Variants in THSD4 observed in about 807,000 individuals in gnomAD.
THSD4 encodes thrombospondin type 1 domain containing 4, also known as thrombospondin type-1 domain-containing protein 4.
In THSD4, 69 loss-of-function variants were observed where a neutral mutation model predicts 119.0. The ratio of observed to expected loss-of-function variants is 0.58; its 90% CI spans 0.48 to 0.71. The LOEUF (loss-of-function observed/expected upper bound fraction) is 0.71. Ranked by LOEUF, THSD4 falls within the 30% of genes least tolerant of loss-of-function variation. The pLI is 0.00. For synonymous variants in THSD4, 524 were observed against 540.4 expected (o/e 0.97, Z 0.42); for missense variants, 1,393 against 1,391.1 (o/e 1.00, Z -0.02).
chr15:71,607,278 G>A (rs2050127511), intron 7 of THSD4, among the ~76,000 whole-genome samples: 1 of 152,212 alleles, frequency 6.6e-6, no homozygotes, highest in African/African-American at 2.4e-5. Flanking sequence ...GTGGTAATGA[G>A]GAAGATCACA....
In THSD4 at chr15:71,779,139, A is replaced by G. The variant is rs1034889285; in HGVS notation, c.*1765A>G. Reference sequence around the variant, plus strand: ...CTAACCTGGGGCTTTCAGAAATTCTATTTGGCCTTTCTGTGGGTAGCTTTC... The same window carrying G: ...CTAACCTGGGGCTTTCAGAAATTCTGTTTGGCCTTTCTGTGGGTAGCTTTC... On this transcript the variant is annotated 3_prime_UTR_variant, in exon 18 of 18. Coordinates refer to ENST00000261862, the MANE Select transcript of THSD4 (RefSeq NM_024817.3). 1.3e-5 allele frequency: 2 copies of G among 152,158 alleles called. No homozygotes were observed. Among genetic ancestry groups the G allele is most frequent in the South Asian group, 2.1e-4 (1 of 4,824 alleles). 9.4% of individuals were successfully genotyped at this position (152,158 alleles called of 1,614,324 possible).
intron 17 of THSD4, among the ~76,000 whole-genome samples, chr15:71,775,196 C>T (rs971755177): frequency 2.0e-5 from 3 of 151,880 alleles, no homozygotes; most frequent in Non-Finnish European, 4.4e-5. Context: ...AAGGAAATGA[C>T]TTATTTAATT....
rs548897317 is a variant in THSD4 at position 71,475,570 on chromosome 15, A to T, written c.1152+63747A>T. On this transcript the variant is annotated intron_variant, in intron 7 of 17. Transcript: ENST00000261862. ...TGCATTTTTAACAGGTTCTCAGGTA[A>T]TTCTGCTGCTGCTGGTCCAAGGACC... Among the ~76,000 whole-genome samples the T allele has an allele frequency of 2.6e-5, 4 of 152,234 alleles. No homozygotes were observed. The South Asian group carries it at 6.2e-4, about 24-fold the overall frequency.
chr15:71,687,906 TATTC>T (rs1370074067), intron 8 of THSD4, among the ~76,000 whole-genome samples: 1 of 152,238 alleles, frequency 6.6e-6, no homozygotes, highest in African/African-American at 2.4e-5. Context: ...TTTTCTCATT[TATTC>T]ATTCATTCAC....
At chr15:71,216,337 CCA>C (rs1213969080) in intron 4 of THSD4, among the ~76,000 whole-genome samples, 2 of 152,236 alleles carry the variant, frequency 1.3e-5, no homozygotes, top group African/African-American at 4.8e-5. Flanking sequence ...GCCCCCTTGC[CCA>C]CTCACAGTTC....
intron 7 of THSD4, among the ~76,000 whole-genome samples, chr15:71,513,074 A>G (rs1241823923): frequency 6.6e-6 from 1 of 152,010 alleles, no homozygotes; most frequent in East Asian, 1.9e-4. Flanking sequence ...ACAGCTGATG[A>G]GTAGTGTTGA....
intron 6 of THSD4, among the ~76,000 whole-genome samples, chr15:71,346,010 C>T (rs1394728480): frequency 6.6e-6 from 1 of 152,144 alleles, no homozygotes; most frequent in Non-Finnish European, 1.5e-5. Flanking sequence ...TGATATATTG[C>T]TACCACCCAG....
At chr15:71,623,910 C>T (rs1194118277) in intron 7 of THSD4, among the ~76,000 whole-genome samples, 1 of 113,636 alleles carries the variant, frequency 8.8e-6, no homozygotes, top group African/African-American at 3.2e-5. Context: ...ATGCCAAGAG[C>T]AAAACTCCCT....
At chr15:71,726,670 G>C (rs886525648) in intron 8 of THSD4, among the ~76,000 whole-genome samples, 1 of 152,204 alleles carries the variant, frequency 6.6e-6, no homozygotes, top group Admixed American at 6.5e-5. Flanking sequence ...GGGCGCAGTG[G>C]CTCACGCCTG....
At chr15:71,478,675 C>G (rs777700270) in intron 7 of THSD4, among the ~76,000 whole-genome samples, 1 of 152,048 alleles carries the variant, frequency 6.6e-6, no homozygotes, top group Non-Finnish European at 1.5e-5. Context: ...TCTATGTGGC[C>G]TAAAACACAG....
intron 6 of THSD4, among the ~76,000 whole-genome samples, chr15:71,390,255 A>C (rs998050812): frequency 6.6e-6 from 1 of 152,178 alleles, no homozygotes; most frequent in Non-Finnish European, 1.5e-5. Context: ...AGGGCTTAAG[A>C]GAGCTCATAT....
chr15:71,771,065 G>A lies in THSD4; in HGVS notation c.2771G>A (p.Cys924Tyr). ...AKWFSTEWSM[C>Y]SKSCQGGFRV... The stretch of plus-strand genomic sequence containing the variant: ...TGTTTTCCCTTTGTTCCCATGCAGT[G>A]TTCCAAGAGCTGCCAGGGTGGCTTT... Residue 924 changes from cysteine to tyrosine, a missense_variant and splice_region_variant, in exon 17 of 18, where the codon TGT becomes TAT. Transcript: ENST00000261862. 6.2e-7 allele frequency: 1 copy of A among 1,614,058 alleles called. No homozygotes were observed. Among genetic ancestry groups the A allele is most frequent in the South Asian group, 1.1e-5 (1 of 91,046 alleles).
At chr15:71,662,645 G>A (rs2051333862) in intron 8 of THSD4, among the ~76,000 whole-genome samples, 1 of 151,962 alleles carries the variant, frequency 6.6e-6, no homozygotes, top group Non-Finnish European at 1.5e-5. Context: ...TTCAAGCTGT[G>A]CCCCCTGAAT....
chr15:71,704,100 G>A (rs2052348681), intron 8 of THSD4, among the ~76,000 whole-genome samples: 1 of 152,086 alleles, frequency 6.6e-6, no homozygotes, highest in Non-Finnish European at 1.5e-5. Flanking sequence ...CGCCCACCTT[G>A]GCCTCCCAAA....
At chr15:71,570,841 G>T (rs147321330) in intron 7 of THSD4, among the ~76,000 whole-genome samples, 4 of 152,292 alleles carry the variant, frequency 2.6e-5, no homozygotes, top group Admixed American at 1.3e-4. Context: ...ATTCATTCCA[G>T]CTGTGACAGC....
intron 7 of THSD4, among the ~76,000 whole-genome samples, chr15:71,501,372 A>G (rs2048110144): frequency 6.6e-6 from 1 of 152,264 alleles, no homozygotes; most frequent in Non-Finnish European, 1.5e-5. Context: ...AACTTCAATT[A>G]TCAAAGGTCA....
At chr15:71,348,322 G>C (rs897540436) in intron 6 of THSD4, 2 of 152,214 alleles carry the variant, frequency 1.3e-5, no homozygotes, top group African/African-American at 4.8e-5. Flanking sequence ...ACATGAACCT[G>C]CGATTCTGCA....
intron 6 of THSD4, among the ~76,000 whole-genome samples, chr15:71,257,655 C>T (rs1488185814): frequency 6.6e-6 from 1 of 152,088 alleles, no homozygotes; most frequent in Non-Finnish European, 1.5e-5. Context: ...CCTGGGGAAG[C>T]CAAACTGTGC....
intron 7 of THSD4, among the ~76,000 whole-genome samples, chr15:71,497,728 C>G (rs1268497470): frequency 6.6e-6 from 1 of 152,192 alleles, no homozygotes; most frequent in African/African-American, 2.4e-5. Context: ...TATAGGTCCC[C>G]AGACCACTGT....
Sources: allele counts gnomAD v4.1 joint callset (sites outside exome capture counted in the v4.1 genomes callset), GRCh38; gene constraint gnomAD v4.1.1; transcripts MANE v1.5; gene names NCBI Gene and HGNC (gene_info 2026-07-23, HGNC 2026-07-21).